Variants in LRRC28 observed in about 807,000 individuals in gnomAD.
LRRC28 encodes leucine-rich repeat-containing protein 28.
Under a neutral mutation model 45.7 loss-of-function variants are expected in LRRC28, and 39 were observed. The observed-to-expected ratio is 0.85, with a 90% CI of 0.66 to 1.12. The LOEUF (loss-of-function observed/expected upper bound fraction) is 1.12, where lower values mean the gene tolerates loss of function less well. LRRC28 is among the 50% of genes most tolerant of loss of function. LRRC28 has a pLI of 0.00. For synonymous variants in LRRC28, 206 were observed against 178.8 expected (o/e 1.15, Z -1.22); for missense variants, 435 against 438.5 (o/e 0.99, Z 0.07).
rs77504101 is a variant in LRRC28 at position 99,306,010 on chromosome 15, G to T, written c.385+18059G>T. On this transcript the variant is annotated intron_variant, in intron 5 of 9. Transcript: ENST00000301981. ...ACAACATGATTAAGGCTATTCAGAA[G>T]AATACTTTTGTTAAACATTTGGATT... 5.1e-3 allele frequency among the ~76,000 whole-genome samples: 782 copies of T among 152,300 alleles called. 49 individuals carry two copies. In the East Asian group the frequency reaches 0.13, roughly 26 times the overall value.
intron 9 of LRRC28, among the ~76,000 whole-genome samples, chr15:99,381,183 T>G (rs1476020341): frequency 1.3e-5 from 2 of 152,222 alleles, no homozygotes; most frequent in Non-Finnish European, 2.9e-5. Flanking sequence ...CAGACGTAGA[T>G]TTGGTCTTTT....
intron 6 of LRRC28, among the ~76,000 whole-genome samples, chr15:99,345,401 GTCT>G (rs1308797314): frequency 2.0e-5 from 3 of 152,194 alleles, no homozygotes; most frequent in Non-Finnish European, 4.4e-5. Flanking sequence ...TACCTTTGAA[GTCT>G]TCTATTTGTG....
intron 7 of LRRC28, among the ~76,000 whole-genome samples, chr15:99,356,044 A>G (rs1415948578): frequency 6.6e-6 from 1 of 152,254 alleles, no homozygotes; most frequent in Non-Finnish European, 1.5e-5. Context: ...CTGTCATTTA[A>G]GAGACTGAGT....
intron 5 of LRRC28, among the ~76,000 whole-genome samples, chr15:99,304,596 CATTT>C (rs904094075): frequency 6.6e-6 from 1 of 151,420 alleles, no homozygotes; most frequent in Non-Finnish European, 1.5e-5. Context: ...ACGCCCGGCT[CATTT>C]ATTTATTTAT....
At chr15:99,257,946 C>T in intron 2 of LRRC28, 1 of 778,420 alleles carries the variant, frequency 1.3e-6, no homozygotes, top group South Asian at 1.4e-5. Context: ...AGAACTGATT[C>T]TGACGCTTTA....
intron 7 of LRRC28, chr15:99,353,825 T>C (rs1956962257): frequency 6.6e-6 from 1 of 152,216 alleles, no homozygotes; most frequent in Non-Finnish European, 1.5e-5. Flanking sequence ...AAGTGCCTTA[T>C]ACTTTGTCGT....
chr15:99,364,054 A>G (rs1002858606), intron 9 of LRRC28, among the ~76,000 whole-genome samples: 4 of 152,114 alleles, frequency 2.6e-5, no homozygotes, highest in African/African-American at 7.2e-5. Context: ...GCCAAAAAGC[A>G]TTTTGCTTGT....
chr15:99,325,287 A>T (rs1176768142), intron 5 of LRRC28, among the ~76,000 whole-genome samples: 2 of 152,202 alleles, frequency 1.3e-5, no homozygotes, highest in Admixed American at 1.3e-4. Context: ...TCTTGTATCT[A>T]GCAACCCTTT....
At chr15:99,298,478 A>G (rs1174648053) in intron 5 of LRRC28, among the ~76,000 whole-genome samples, 1 of 152,154 alleles carries the variant, frequency 6.6e-6, no homozygotes, top group East Asian at 1.9e-4. Flanking sequence ...TCTCTCAAAT[A>G]CAGATTTGAC....
At chr15:99,314,045 G>A (rs1203142174) in intron 5 of LRRC28, among the ~76,000 whole-genome samples, 2 of 152,146 alleles carry the variant, frequency 1.3e-5, no homozygotes, top group Non-Finnish European at 2.9e-5. Context: ...TCAGAGTTTT[G>A]TCCAGTGTTA....
intron 6 of LRRC28, among the ~76,000 whole-genome samples, chr15:99,342,700 A>G (rs1956556072): frequency 6.6e-6 from 1 of 152,210 alleles, no homozygotes; most frequent in African/African-American, 2.4e-5. Context: ...GTGCAAGAGA[A>G]ATAGAGATTC....
intron 6 of LRRC28, among the ~76,000 whole-genome samples, chr15:99,339,463 G>A (rs1375218670): frequency 2.0e-5 from 3 of 152,230 alleles, no homozygotes; most frequent in African/African-American, 7.2e-5. Flanking sequence ...GGGAACCGTG[G>A]CTCACGCCTG....
At chr15:99,264,204 T>C (rs2081275346) in intron 2 of LRRC28, among the ~76,000 whole-genome samples, 1 of 152,206 alleles carries the variant, frequency 6.6e-6, no homozygotes, top group South Asian at 2.1e-4. Context: ...CTAGTCCTGA[T>C]TGGCTAAACA....
intron 3 of LRRC28, chr15:99,285,307 T>A: frequency 1.4e-6 from 1 of 739,904 alleles, no homozygotes; most frequent in Admixed American, 1.7e-5. Flanking sequence ...AATCTTCTCT[T>A]GAGACAGCTG....
intron 5 of LRRC28, among the ~76,000 whole-genome samples, chr15:99,328,350 A>G (rs572426121): frequency 1.3e-5 from 2 of 152,314 alleles, no homozygotes; most frequent in East Asian, 3.9e-4. Context: ...TGAAAGATCA[A>G]AATCCTGAAT....
At chr15:99,325,985 A>G (rs1955961689) in intron 5 of LRRC28, among the ~76,000 whole-genome samples, 1 of 152,152 alleles carries the variant, frequency 6.6e-6, no homozygotes, top group African/African-American at 2.4e-5. Flanking sequence ...TTGTTGGTTG[A>G]GTTCAGGCAA....
chr15:99,325,531 C>T (rs1352304033), intron 5 of LRRC28, among the ~76,000 whole-genome samples: 1 of 152,194 alleles, frequency 6.6e-6, no homozygotes, highest in Non-Finnish European at 1.5e-5. Context: ...AAGGGGAAAG[C>T]ACTCAGCCTG....
At chr15:99,312,891 G>A (rs1467921434) in intron 5 of LRRC28, among the ~76,000 whole-genome samples, 1 of 152,092 alleles carries the variant, frequency 6.6e-6, no homozygotes, top group Non-Finnish European at 1.5e-5. Flanking sequence ...AAAGACATGA[G>A]GCGTAATTTT....
intron 5 of LRRC28, among the ~76,000 whole-genome samples, chr15:99,327,238 C>G (rs1260228376): frequency 2.0e-5 from 3 of 152,020 alleles, no homozygotes; most frequent in Non-Finnish European, 4.4e-5. Context: ...CCACACCCAG[C>G]TAGTTTTTGT....
Sources: allele counts gnomAD v4.1 joint callset (sites outside exome capture counted in the v4.1 genomes callset), GRCh38; gene constraint gnomAD v4.1.1; transcripts MANE v1.5; gene names NCBI Gene and HGNC (gene_info 2026-07-23, HGNC 2026-07-21).